Variants in RBM41 observed in about 807,000 individuals in gnomAD.
RBM41 encodes the protein RNA binding motif protein 41.
A neutral mutation model predicts 30.8 loss-of-function variants in RBM41; 14 were observed. That is an observed-to-expected ratio of 0.45 (90% CI 0.30 to 0.71). The LOEUF is 0.71. RBM41 is among the 30% of genes least tolerant of loss of function. RBM41 has a pLI of 0.08. For missense variants in RBM41, 276 were observed against 326.3 expected (o/e 0.85, Z 1.19); for synonymous variants, 120 against 110.1 (o/e 1.09, Z -0.56).
chrX:107,091,403 T>C (rs995438919), intron 5 of RBM41, among the ~76,000 whole-genome samples: 1 of 112,447 alleles, frequency 8.9e-6, no homozygotes, highest in African/African-American at 3.2e-5. Flanking sequence ...TCACTATAAG[T>C]AACTGCTTTG....
intron 6 of RBM41, among the ~76,000 whole-genome samples, chrX:107,072,118 A>G (rs1936086358): frequency 9.0e-6 from 1 of 111,646 alleles, no homozygotes; most frequent in Non-Finnish European, 1.9e-5. Flanking sequence ...TCAACACAGT[A>G]GTGAAAGTCT....
chrX:107,105,240 T>C (rs1313639613), intron 5 of RBM41, among the ~76,000 whole-genome samples: 3 of 107,675 alleles, frequency 2.8e-5, no homozygotes, highest in Non-Finnish European at 5.8e-5. Flanking sequence ...AAACAGAGAG[T>C]CAAATCATGA....
Position 107,115,380 on chromosome X carries a change from G to A in RBM41, c.495C>T (p.His165=). Residue 165 remains histidine, a synonymous_variant, in exon 4 of 8, where the codon CAC becomes CAT. Transcript: ENST00000685964. ...EKSLFQGADR[H]SFLKALYYQA... ...GGTAATAAAGAGCCTTAAGGAAGGAGTGACGATCAGCTCCCTGAAATAAAG... is the reference window on the plus strand; with the variant it reads ...GGTAATAAAGAGCCTTAAGGAAGGAATGACGATCAGCTCCCTGAAATAAAG... 3.3e-6 allele frequency: 4 copies of A among 1,212,010 alleles called. No homozygotes were observed. The highest frequency in any genetic ancestry group is 4.5e-6 in the Non-Finnish European group (4 of 895,508).
chrX:107,081,190 A>G (rs1921486223), intron 6 of RBM41, among the ~76,000 whole-genome samples: 1 of 109,126 alleles, frequency 9.2e-6, no homozygotes, highest in Admixed American at 9.8e-5. Context: ...GTTAATTTTT[A>G]TGAAGGATGT....
At chrX:107,086,830 G>C (rs1922078138) in intron 6 of RBM41, among the ~76,000 whole-genome samples, 1 of 111,853 alleles carries the variant, frequency 8.9e-6, no homozygotes, top group Non-Finnish European at 1.9e-5. Flanking sequence ...CAGGAAAGTG[G>C]ATAAATATAA....
chrX:107,100,598 G>A (rs1047441482), intron 5 of RBM41, among the ~76,000 whole-genome samples: 2 of 111,963 alleles, frequency 1.8e-5, no homozygotes, highest in Admixed American at 9.4e-5. Context: ...AGAGTCTGAC[G>A]ATATCTGTTG....
intron 6 of RBM41, among the ~76,000 whole-genome samples, chrX:107,074,830 G>A (rs1406848219): frequency 1.8e-5 from 2 of 111,508 alleles, no homozygotes; most frequent in East Asian, 5.6e-4. Context: ...TAATATATCC[G>A]AACTATCCAA....
chrX:107,097,453 T>C (rs1043872560), intron 5 of RBM41, among the ~76,000 whole-genome samples: 10 of 111,388 alleles, frequency 9.0e-5, no homozygotes, highest in African/African-American at 3.3e-4. Flanking sequence ...CGGTTTCCCC[T>C]ATGCTGTTCT....
intron 7 of RBM41, among the ~76,000 whole-genome samples, chrX:107,069,036 C>A (rs1327489739): frequency 9.0e-6 from 1 of 111,321 alleles, no homozygotes; most frequent in African/African-American, 3.3e-5. Flanking sequence ...AAGGAAGTAC[C>A]AAGACTGGGA....
chrX:107,114,170 TTTATTA>T (rs1924714369), intron 4 of RBM41: 1 of 111,486 alleles, frequency 9.0e-6, no homozygotes, highest in Admixed American at 9.5e-5. Flanking sequence ...GTCAACGAGT[TTTATTA>T]GTTCTTCCAT....
rs766911285 is a variant in RBM41 at position 107,115,467 on chromosome X, G to A, written c.408C>T (p.Cys136=). ...TGCTCTTTGCAAATCTCTGTGGCAG[G>A]CAAAGAATGCGCTGACGCTCCGAGA... ...ERISERQRIL[C]LPQRFAKSKQ... Residue 136 remains cysteine, a synonymous_variant, in exon 4 of 8, where the codon TGC becomes TGT. Coordinates refer to ENST00000685964, the MANE Select transcript of RBM41 (RefSeq NM_001324242.2). 199 of 1,209,619 alleles carry A rather than the reference G, an allele frequency of 1.6e-4. No individual in the cohort carries two copies. The highest frequency in any genetic ancestry group is 2.2e-4 in the Non-Finnish European group (197 of 894,906).
chrX:107,108,549 T>A (rs1390116756), intron 5 of RBM41, among the ~76,000 whole-genome samples: 1 of 112,071 alleles, frequency 8.9e-6, no homozygotes, highest in African/African-American at 3.2e-5. Flanking sequence ...AAAAACATTT[T>A]AAAAAGCCTC....
In RBM41 at chrX:107,116,768, T is replaced by C. The variant is rs377460529; in HGVS notation, c.9-2A>G. The C allele has an allele frequency of 1.7e-6, 2 of 1,203,030 alleles. No homozygotes were observed. The highest frequency in any genetic ancestry group is 1.1e-6 in the Non-Finnish European group (1 of 889,987). On this transcript the variant is annotated splice_acceptor_variant, in intron 1 of 7. Coordinates refer to ENST00000685964, the MANE Select transcript of RBM41 (RefSeq NM_001324242.2). LOFTEE classifies it high-confidence loss of function. ...TCACTCTTCACACAGCTGTTTACCC[T>C]GGAGTAGACATAAGAATATATACAG... is the stretch of plus-strand genomic sequence containing the variant.
At chrX:107,091,459 C>T (rs1922534915) in intron 5 of RBM41, among the ~76,000 whole-genome samples, 2 of 111,793 alleles carry the variant, frequency 1.8e-5, no homozygotes, top group African/African-American at 6.5e-5. Context: ...TATCATTAGG[C>T]TCATTTGCTT....
At chrX:107,056,907 G>T (rs748271580), downstream of RBM41, among the ~76,000 whole-genome samples, 8 of 106,885 alleles carry the variant, frequency 7.5e-5, no homozygotes, top group African/African-American at 2.1e-4. Context: ...GGGCGACAGG[G>T]TCTCACCTTG....
chrX:107,089,404 C>T (rs1922324322), intron 5 of RBM41, among the ~76,000 whole-genome samples: 1 of 111,779 alleles, frequency 8.9e-6, no homozygotes, highest in Non-Finnish European at 1.9e-5. Context: ...TGTTGTTTAA[C>T]TTGTTCCTTA....
At chrX:107,111,127 T>C (rs1336926410) in intron 5 of RBM41, among the ~76,000 whole-genome samples, 2 of 111,194 alleles carry the variant, frequency 1.8e-5, no homozygotes, top group East Asian at 5.6e-4. Context: ...TAGGAGAAAA[T>C]ATTTGCAAGT....
At position 107,065,623 on chromosome X, in the gene RBM41, T is replaced by C. The variant is rs995577350; in HGVS notation, c.*1904A>G. 7.4e-6 allele frequency: 4 copies of C among 540,937 alleles called. No individual in the cohort carries two copies. Among genetic ancestry groups the C allele is most frequent in the Non-Finnish European group, 1.1e-5 (4 of 365,462 alleles). The allele number at this position is 540,937 out of a possible 1,213,427, so 44.6% of individuals were successfully genotyped here. The stretch of plus-strand genomic sequence containing the variant: ...TAAAAGAAGCTGAGAGAAGAGTAAG[T>C]ATATGTTTATAGTTTTTTTATATTA... On this transcript the variant is annotated 3_prime_UTR_variant, in exon 8 of 8. Transcript: ENST00000685964.
chrX:107,065,614 A>G lies in RBM41; in HGVS notation c.*1913T>C. ...TTACATCTTTAAAAGAAGCTGAGAGAAGAGTAAGTATATGTTTATAGTTTT... is the reference window on the plus strand; with the variant it reads ...TTACATCTTTAAAAGAAGCTGAGAGGAGAGTAAGTATATGTTTATAGTTTT... On this transcript the variant is annotated 3_prime_UTR_variant, in exon 8 of 8. Transcript: ENST00000685964. The G allele has an allele frequency of 2.1e-6, 1 of 480,730 alleles. No individual in the cohort carries two copies. The highest frequency in any genetic ancestry group is 4.3e-5 in the East Asian group (1 of 23,243). The allele number at this position is 480,730 out of a possible 1,213,427, so 39.6% of individuals were successfully genotyped here. A position where few individuals can be genotyped will look rare whatever the true frequency, so the allele number is the denominator to read the frequency against.
Sources: gnomAD v4.1 joint callset for allele counts (sites outside exome capture counted in the v4.1 genomes callset) on GRCh38, gnomAD v4.1.1 for gene constraint, MANE v1.5 for transcripts, NCBI Gene and HGNC (gene_info 2026-07-23, HGNC 2026-07-21) for gene names.